ADK: variants seen among roughly 807,000 people sequenced by gnomAD.
The protein encoded by ADK is N6,N6-dimethyladenosine kinase.
In ADK, 24 loss-of-function variants were observed where a neutral mutation model predicts 44.7. The ratio of observed to expected loss-of-function variants is 0.54; its 90% confidence interval spans 0.39 to 0.76. The LOEUF is 0.76. Among genes scored for constraint, ADK ranks in the 30% least tolerant of loss-of-function variants. ADK has a pLI of 0.00. For synonymous variants in ADK, 128 were observed against 142.6 expected (o/e 0.90, Z 0.73); for missense variants, 321 against 425.1 (o/e 0.76, Z 2.15).
intron 9 of ADK, among the ~76,000 whole-genome samples, chr10:74,665,374 T>C (rs1854907746): frequency 6.6e-6 from 1 of 152,172 alleles, no homozygotes; most frequent in African/African-American, 2.4e-5. Context: ...CCATCACTTT[T>C]CTGTTTCTTC....
intron 3 of ADK, among the ~76,000 whole-genome samples, chr10:74,282,398 G>T (rs1343782536): frequency 2.0e-5 from 3 of 152,178 alleles, no homozygotes; most frequent in Non-Finnish European, 2.9e-5. Context: ...TGTGAAAGGG[G>T]TTTAAGCATA....
chr10:74,297,514 C>G (rs916407502), intron 3 of ADK, among the ~76,000 whole-genome samples: 11 of 152,122 alleles, frequency 7.2e-5, no homozygotes, highest in Admixed American at 3.3e-4. Context: ...TTGTAGCTCT[C>G]TGTAGTAGAT....
chr10:74,414,795 A>G (rs573216151), intron 6 of ADK, among the ~76,000 whole-genome samples: 37 of 152,294 alleles, frequency 2.4e-4, no homozygotes, highest in Non-Finnish European at 4.7e-4. Context: ...GTTTTCTTCA[A>G]TAAATAAAAT....
chr10:74,289,965 A>T (rs1198614976), intron 3 of ADK, among the ~76,000 whole-genome samples: 1 of 152,076 alleles, frequency 6.6e-6, no homozygotes, highest in African/African-American at 2.4e-5. Flanking sequence ...TTCTCAAGAT[A>T]ATATTTTTAT....
intron 9 of ADK, among the ~76,000 whole-genome samples, chr10:74,629,554 A>G (rs1853338117): frequency 6.6e-6 from 1 of 152,226 alleles, no homozygotes; most frequent in Non-Finnish European, 1.5e-5. Flanking sequence ...ACTGCTATGT[A>G]TACCATATTT....
chr10:74,607,311 G>A (rs571846400), intron 9 of ADK, among the ~76,000 whole-genome samples: 2 of 152,282 alleles, frequency 1.3e-5, no homozygotes, highest in African/African-American at 4.8e-5. Context: ...AGTTGATGTG[G>A]TTTCTTCATA....
Position 74,671,629 on chromosome 10 carries a change from AAATATT to A in ADK, c.964+1361_964+1366del, listed in dbSNP as rs1208058609. On this transcript the variant is annotated intron_variant, in intron 10 of 10. Coordinates refer to ENST00000539909, the MANE Select transcript of ADK (RefSeq NM_006721.4). ...TAGAGCTATAGATGTATGTAGGCTA[AAATATT>A]TTATTCTGAATTTAACCATATTCTG... is the stretch of plus-strand genomic sequence containing the variant. 2.6e-5 allele frequency among the ~76,000 whole-genome samples: 4 copies of A among 152,208 alleles called. No individual in the cohort carries two copies. The East Asian group carries it at 7.7e-4, about 29-fold the overall frequency.
intron 3 of ADK, among the ~76,000 whole-genome samples, chr10:74,244,263 G>A (rs1415372798): frequency 6.6e-6 from 1 of 152,322 alleles, no homozygotes; most frequent in Middle Eastern, 3.4e-3. Flanking sequence ...TAAAACGAAA[G>A]TGATGCCCAC....
At chr10:74,492,406 G>T (rs543438122) in intron 6 of ADK, among the ~76,000 whole-genome samples, 1 of 151,972 alleles carries the variant, frequency 6.6e-6, no homozygotes, top group Non-Finnish European at 1.5e-5. Flanking sequence ...GTTCGAGTCT[G>T]ACCTGGGCAA....
rs899999790 is a variant in ADK, at chr10:74,573,703, G to A, written c.727-15579G>A. On this transcript the variant is annotated intron_variant, in intron 7 of 10. Transcript: ENST00000539909. ...TGCTTTGTTTACCCAAGCAAGCCTC[G>A]GCAATGGCGGGCGCCCCTCCCCCAG... Among the ~76,000 whole-genome samples, 65 of 152,288 alleles carry A rather than the reference G, an allele frequency of 4.3e-4. 1 individual carries two copies. The highest frequency in any genetic ancestry group is 1.5e-3 in the Admixed American group (23 of 15,298).
At chr10:74,366,167 T>C (rs573784000) in intron 4 of ADK, among the ~76,000 whole-genome samples, 3 of 152,336 alleles carry the variant, frequency 2.0e-5, no homozygotes, top group Admixed American at 2.0e-4. Context: ...TGATGTTATC[T>C]ATTATTATAG....
At chr10:74,390,685 A>T (rs1843300650) in intron 4 of ADK, among the ~76,000 whole-genome samples, 1 of 152,168 alleles carries the variant, frequency 6.6e-6, no homozygotes, top group Non-Finnish European at 1.5e-5. Context: ...TCAGTCCAGG[A>T]TCCAATAAGA....
At chr10:74,464,401 A>G (rs1564736731) in intron 6 of ADK, among the ~76,000 whole-genome samples, 1 of 151,104 alleles carries the variant, frequency 6.6e-6, no homozygotes, top group East Asian at 1.9e-4. Context: ...AAAAAAAAAA[A>G]TTACCTGGAC....
chr10:74,167,929 T>A (rs983127079), intron 1 of ADK, among the ~76,000 whole-genome samples: 1 of 152,232 alleles, frequency 6.6e-6, no homozygotes, highest in East Asian at 1.9e-4. Flanking sequence ...TTTGTCTGCT[T>A]TTGGTAAATT....
chr10:74,325,009 A>AT (rs1185199044), intron 4 of ADK, among the ~76,000 whole-genome samples: 3 of 151,888 alleles, frequency 2.0e-5, no homozygotes, highest in African/African-American at 4.8e-5. Flanking sequence ...GAATTTTAGA[A>AT]TTTTTTTTCT....
intron 4 of ADK, among the ~76,000 whole-genome samples, chr10:74,352,626 A>G (rs1232956675): frequency 1.3e-5 from 2 of 152,228 alleles, no homozygotes; most frequent in East Asian, 3.8e-4. Flanking sequence ...CTATCATCAG[A>G]GTGAACAGGC....
chr10:74,197,859 A>G (rs1843218256), intron 1 of ADK, among the ~76,000 whole-genome samples: 1 of 152,198 alleles, frequency 6.6e-6, no homozygotes. Flanking sequence ...AATGCGGTAG[A>G]TGTTCAAAGG....
intron 7 of ADK, among the ~76,000 whole-genome samples, chr10:74,567,699 G>GTTTTTTTTTTTTTTTTTTTT (rs56042541): frequency 1.8e-5 from 2 of 112,378 alleles, no homozygotes; most frequent in Non-Finnish European, 3.5e-5. Flanking sequence ...TGTTTTTTTT[G>GTTTTTTTTTTTTTTTTTTTT]TTTTTTTTTT....
chr10:74,613,231 T>C (rs1457057078), intron 9 of ADK, among the ~76,000 whole-genome samples: 1 of 151,368 alleles, frequency 6.6e-6, no homozygotes, highest in African/African-American at 2.4e-5. Flanking sequence ...GCAAGGGGAG[T>C]GTAGGATTAT....
Sources: gnomAD v4.1 joint callset for allele counts (sites outside exome capture counted in the v4.1 genomes callset) on GRCh38, gnomAD v4.1.1 for gene constraint, MANE v1.5 for transcripts, NCBI Gene and HGNC (gene_info 2026-07-23, HGNC 2026-07-21) for gene names.